WDR35: variants seen among roughly 807,000 people sequenced by gnomAD.
WDR35 encodes WD repeat domain 35, also known as WD repeat-containing protein 35.
Under a neutral mutation model 158.3 loss-of-function variants are expected in WDR35, and 118 were observed. That is an observed-to-expected ratio of 0.75 (90% CI 0.64 to 0.87). The LOEUF (loss-of-function observed/expected upper bound fraction) is 0.87. Ranked by LOEUF, WDR35 falls within the 40% of genes least tolerant of loss-of-function variation. The pLI, the probability that WDR35 is intolerant of heterozygous loss-of-function variation, is 0.00. For synonymous variants in WDR35, 448 were observed against 476.1 expected (o/e 0.94, Z 0.77); for missense variants, 1,263 against 1,405.8 (o/e 0.90, Z 1.62).
chr2:19,955,590 G>T (rs192177210), intron 11 of WDR35, among the ~76,000 whole-genome samples: 1 of 151,898 alleles, frequency 6.6e-6, no homozygotes, highest in African/African-American at 2.4e-5. Flanking sequence ...AAAAAACTCC[G>T]TCACAAACAG....
Position 19,975,658 on chromosome 2 carries a change from G to A in WDR35, c.442C>T (p.Arg148Cys), listed in dbSNP as rs376071012. The change falls in exon 6 of 27, where the codon CGT (arginine) becomes TGT (cysteine). Residue 148 changes from arginine (R) to cysteine (C), a missense_variant. Arg to Cys is a radical substitution (Grantham distance 180, BLOSUM62 -3). Coordinates refer to ENST00000281405, the MANE Select transcript of WDR35 (RefSeq NM_020779.4). Reference sequence around the variant, plus strand: ...CCCTTCAGGTCTTTTCCCCAAATACGATTGCCTAAAACAAAACATTATTAA... The same window carrying A: ...CCCTTCAGGTCTTTTCCCCAAATACAATTGCCTAAAACAAAACATTATTAA... ...AVIVGSVDGN[R>C]IWGKDLKGIQ... 15 of 1,613,834 alleles carry A rather than the reference G, an allele frequency of 9.3e-6. No individual in the cohort carries two copies. Among genetic ancestry groups the A allele is most frequent in the African/African-American group, 2.7e-5 (2 of 74,922 alleles).
rs199998411 is a variant in WDR35, at chr2:19,987,359, CAAAT to C, written c.142+1802_142+1805del. On this transcript the variant is annotated intron_variant, in intron 2 of 26. Coordinates refer to ENST00000281405, the MANE Select transcript of WDR35 (RefSeq NM_020779.4). ...AATTCATAATCATTCAGTTCCAAAA[CAAAT>C]ACTTTACTCCATTTTCCAAACCTCC... is the stretch of plus-strand genomic sequence containing the variant. 9.3e-3 allele frequency among the ~76,000 whole-genome samples: 1,422 copies of C among 152,264 alleles called. 42 individuals are homozygous for C. The highest frequency in any genetic ancestry group is 0.055 in the Admixed American group (848 of 15,286).
intron 25 of WDR35, among the ~76,000 whole-genome samples, chr2:19,921,907 G>A (rs1203915185): frequency 6.6e-6 from 1 of 152,190 alleles, no homozygotes; most frequent in African/African-American, 2.4e-5. Context: ...AAAAGTGGGT[G>A]AAGGATATGA....
chr2:19,925,281 A>C (rs1314010731), intron 25 of WDR35, among the ~76,000 whole-genome samples: 1 of 152,248 alleles, frequency 6.6e-6, no homozygotes, highest in Non-Finnish European at 1.5e-5. Context: ...TCAAATTGTT[A>C]TATCTACTTC....
intron 14 of WDR35, 35 bp downstream of exon 14, chr2:19,948,129 T>C: frequency 6.6e-7 from 1 of 1,523,084 alleles, no homozygotes; most frequent in Non-Finnish European, 9.0e-7. Context: ...ATTTAAAGAA[T>C]TATTATTCAT....
chr2:19,983,529 G>T (rs1672456582), intron 2 of WDR35, among the ~76,000 whole-genome samples: 1 of 152,028 alleles, frequency 6.6e-6, no homozygotes, highest in African/African-American at 2.4e-5. Flanking sequence ...AATTAATCTT[G>T]GCTTAGAAAT....
In WDR35 at chr2:19,951,710, A is replaced by C. The variant is rs1294907947; in HGVS notation, c.1401-226T>G. On this transcript the variant is annotated intron_variant, in intron 12 of 26. Transcript: ENST00000281405. Reference sequence around the variant, plus strand: ...ATACGTTCCTGAAAGCTGTACCAAAAACATATCTGAACATTTCATCATATA... The same window carrying C: ...ATACGTTCCTGAAAGCTGTACCAAACACATATCTGAACATTTCATCATATA... 7 of 393,446 alleles carry C rather than the reference A, an allele frequency of 1.8e-5. No homozygotes were observed. The South Asian group carries it at 2.0e-4, about 11-fold the overall frequency. 24.4% of individuals were successfully genotyped at this position (393,446 alleles called of 1,614,324 possible). A position where few individuals can be genotyped will look rare whatever the true frequency, so the allele number is the denominator to read the frequency against.
chr2:19,942,462 T>C (rs539303492), intron 16 of WDR35, among the ~76,000 whole-genome samples: 1 of 152,298 alleles, frequency 6.6e-6, no homozygotes, highest in Non-Finnish European at 1.5e-5. Flanking sequence ...CTTAGTGTTA[T>C]ACAGGCTTGT....
rs143550695 is a variant in WDR35 at position 19,935,605 on chromosome 2, T to C, written c.2415-2A>G. ...ACATAATATTGTACAGCATTCAACC[T>C]ACAGAAAGAAAAAAGGAAAAACTTT... On this transcript the variant is annotated splice_acceptor_variant, in intron 20 of 26. Coordinates refer to ENST00000281405, the MANE Select transcript of WDR35 (RefSeq NM_020779.4). LOFTEE classifies it high-confidence loss of function. 2.9e-5 allele frequency: 47 copies of C among 1,611,132 alleles called. No individual in the cohort carries two copies. The highest frequency in any genetic ancestry group is 3.8e-5 in the Non-Finnish European group (45 of 1,179,406).
intron 4 of WDR35, among the ~76,000 whole-genome samples, 196 bp from the exon 5 acceptor site, chr2:19,979,075 A>G (rs1672304841): frequency 6.6e-6 from 1 of 152,198 alleles, no homozygotes; most frequent in Admixed American, 6.5e-5. Flanking sequence ...TTAACTGATA[A>G]CTGCTTCAAA....
chr2:19,970,937 T>C (rs1411520856), intron 8 of WDR35, among the ~76,000 whole-genome samples: 2 of 152,220 alleles, frequency 1.3e-5, no homozygotes, highest in Non-Finnish European at 2.9e-5. Flanking sequence ...GAGTACTAAC[T>C]GTATCATATT....
intron 1 of WDR35, 98 bp downstream of exon 1, chr2:19,989,894 G>T (rs1429609114): frequency 6.4e-7 from 1 of 1,569,004 alleles, no homozygotes; most frequent in Admixed American, 1.8e-5. Context: ...GCCACGACCA[G>T]GACCGGGTGA....
At chr2:19,921,335 A>C (rs1478436385) in intron 25 of WDR35, among the ~76,000 whole-genome samples, 1 of 152,188 alleles carries the variant, frequency 6.6e-6, no homozygotes, top group Non-Finnish European at 1.5e-5. Flanking sequence ...CTATACTACA[A>C]GGCTACAGCA....
At chr2:19,915,566 G>A (rs1024677126) in intron 25 of WDR35, among the ~76,000 whole-genome samples, 2 of 151,892 alleles carry the variant, frequency 1.3e-5, no homozygotes, top group African/African-American at 4.8e-5. Flanking sequence ...ATTTTAAACA[G>A]TGTATAATTT....
At chr2:19,932,706 A>C (rs1375180723) in intron 22 of WDR35, among the ~76,000 whole-genome samples, 1 of 152,188 alleles carries the variant, frequency 6.6e-6, no homozygotes, top group African/African-American at 2.4e-5. Context: ...TAATCATATT[A>C]ATCTTGTAAT....
chr2:19,938,404 A>T lies in WDR35; in HGVS notation c.1927-3T>A. 1 of 1,613,840 alleles carries T rather than the reference A, an allele frequency of 6.2e-7. No homozygotes were observed. Among genetic ancestry groups the T allele is most frequent in the Admixed American group, 1.7e-5 (1 of 59,930 alleles). ...TCCTTGTTTGGATGTTCTGGATCCT[A>T]AAAGTAAAGATGAAAACAAAAAAAT... is the stretch of plus-strand genomic sequence containing the variant. On this transcript the variant is annotated splice_region_variant and splice_polypyrimidine_tract_variant and intron_variant, in intron 17 of 26. Coordinates refer to ENST00000281405, the MANE Select transcript of WDR35 (RefSeq NM_020779.4).
At chr2:19,986,529 CTTG>C (rs1209912527) in intron 2 of WDR35, among the ~76,000 whole-genome samples, 1 of 152,162 alleles carries the variant, frequency 6.6e-6, no homozygotes, top group African/African-American at 2.4e-5. Flanking sequence ...TCTGAATTCT[CTTG>C]TCTGGAAAAA....
chr2:19,945,797 A>G lies in WDR35; in HGVS notation c.1834T>C (p.Leu612=). 1 of 1,613,882 alleles carries G rather than the reference A, an allele frequency of 6.2e-7. No individual in the cohort carries two copies. The highest frequency in any genetic ancestry group is 8.5e-7 in the Non-Finnish European group (1 of 1,179,798). The change falls in exon 16 of 27, where the codon TTG becomes CTG. Residue 612 remains leucine, a synonymous_variant. Transcript: ENST00000281405. ...TTTCTTGTTTTTACCTCAGGATCCA[A>G]GTTTCTGAAAACATACATTCTTGTC... ...EKTRMYVFRN[L]DPEEPIQTSG...
intron 10 of WDR35, among the ~76,000 whole-genome samples, chr2:19,965,428 T>C (rs938859491): frequency 2.0e-5 from 3 of 152,202 alleles, no homozygotes; most frequent in Non-Finnish European, 2.9e-5. Context: ...TGTAAGGTGA[T>C]GGGCAGGGCT....
Sources: allele counts gnomAD v4.1 joint callset (sites outside exome capture counted in the v4.1 genomes callset), GRCh38; gene constraint gnomAD v4.1.1; transcripts MANE v1.5; gene names NCBI Gene and HGNC (gene_info 2026-07-23, HGNC 2026-07-21).